TRHDE: variants seen among roughly 807,000 people sequenced by gnomAD.
TRHDE encodes the protein thyrotropin-releasing hormone-degrading ectoenzyme.
TRHDE carries 72 observed loss-of-function variants against 125.7 expected under a neutral mutation model. The ratio of observed to expected loss-of-function variants is 0.57; its 90% CI spans 0.47 to 0.70. TRHDE has a LOEUF of 0.70. Ranked by LOEUF, TRHDE falls within the 30% of genes least tolerant of loss-of-function variation. The pLI is 0.00. For missense variants in TRHDE, 1,110 were observed against 1,327.1 expected (o/e 0.84, Z 2.54); for synonymous variants, 509 against 509.1 (o/e 1.00, Z 0.00).
intron 6 of TRHDE, among the ~76,000 whole-genome samples, chr12:72,529,405 C>G (rs753208173): frequency 6.6e-6 from 1 of 152,092 alleles, no homozygotes; most frequent in African/African-American, 2.4e-5. Flanking sequence ...TTGAAGTCCT[C>G]TAATCCCTTT....
intron 2 of TRHDE, among the ~76,000 whole-genome samples, chr12:72,363,573 C>CCT (rs1425820168): frequency 1.2e-4 from 18 of 152,122 alleles, no homozygotes; most frequent in African/African-American, 3.9e-4. Context: ...TTCAACAACG[C>CCT]TTCATGCTAA....
intron 7 of TRHDE, among the ~76,000 whole-genome samples, chr12:72,545,078 G>A (rs748645206): frequency 1.3e-5 from 2 of 151,342 alleles, no homozygotes; most frequent in African/African-American, 2.4e-5. Flanking sequence ...GTGATTTGTT[G>A]GTGATACCAC....
rs771321069 is a variant in TRHDE at position 72,575,519 on chromosome 12, C to G, written c.2298C>G (p.Ile766Met). 6.2e-7 allele frequency: 1 copy of G among 1,613,528 alleles called. No homozygotes were observed. The highest frequency in any genetic ancestry group is 1.3e-5 in the African/African-American group (1 of 74,866). Residue 766 changes from isoleucine (I) to methionine (M), a missense_variant, in exon 12 of 19, where the codon ATC becomes ATG. Physicochemically the swap from Ile to Met is conservative, Grantham distance 10. Transcript: ENST00000261180. ...VLSVSNRAGL[I>M]DDAFSLARAG... ...CTGTCAGTAACCGAGCGGGCTTGATCGATGATGCCTTCAGCCTAGCCAGGT... is the reference window on the plus strand; with the variant it reads ...CTGTCAGTAACCGAGCGGGCTTGATGGATGATGCCTTCAGCCTAGCCAGGT...
intron 1 of TRHDE, among the ~76,000 whole-genome samples, chr12:72,280,098 T>C (rs1879640663): frequency 6.6e-6 from 1 of 152,180 alleles, no homozygotes; most frequent in Non-Finnish European, 1.5e-5. Context: ...GTTCATTCTC[T>C]TCCTCCTATG....
intron 2 of TRHDE, among the ~76,000 whole-genome samples, chr12:72,132,430 A>G (rs1296350504): frequency 6.6e-6 from 1 of 152,228 alleles, no homozygotes; most frequent in African/African-American, 2.4e-5. Context: ...CAGAAAGTCA[A>G]GTCAGGGACA....
chr12:72,641,024 A>G (rs1165880979), intron 15 of TRHDE, among the ~76,000 whole-genome samples: 1 of 151,878 alleles, frequency 6.6e-6, no homozygotes, highest in African/African-American at 2.4e-5. Context: ...ACAGAGCAAG[A>G]AGGGACTTTA....
At chr12:72,194,526 A>G (rs1221090868) in intron 2 of TRHDE, among the ~76,000 whole-genome samples, 1 of 151,968 alleles carries the variant, frequency 6.6e-6, no homozygotes. Context: ...AGTTTTTCAA[A>G]TCTTTCCCCC....
intron 5 of TRHDE, among the ~76,000 whole-genome samples, chr12:72,480,027 G>A (rs1427889231): frequency 0.023 from 3,462 of 149,790 alleles, 99 homozygotes; most frequent in African/African-American, 0.081. Context: ...ATTCCATGGT[G>A]TATATGTGCC....
chr12:72,603,704 G>A (rs1365949314), intron 12 of TRHDE, among the ~76,000 whole-genome samples: 3 of 151,972 alleles, frequency 2.0e-5, no homozygotes, highest in South Asian at 2.1e-4. Flanking sequence ...CAGCCTGGGC[G>A]ACAGAGTGAG....
intron 1 of TRHDE, among the ~76,000 whole-genome samples, chr12:72,105,342 T>C (rs368903246): frequency 2.0e-5 from 3 of 152,080 alleles, no homozygotes; most frequent in East Asian, 3.9e-4. Context: ...TTCAGATAAG[T>C]GATGCTAAGT....
chr12:72,228,446 C>G (rs942594692), intron 2 of TRHDE, among the ~76,000 whole-genome samples: 6 of 152,150 alleles, frequency 3.9e-5, no homozygotes, highest in Admixed American at 3.9e-4. Flanking sequence ...GCATGAAGGC[C>G]CTGGACTTGG....
chr12:72,644,274 C>A (rs780085529), intron 15 of TRHDE, among the ~76,000 whole-genome samples: 50 of 151,866 alleles, frequency 3.3e-4, no homozygotes, highest in Non-Finnish European at 5.9e-4. Context: ...CTCCTCCCGG[C>A]TTCTCCCAGG....
chr12:72,450,252 T>A lies in TRHDE; in HGVS notation c.1316-19506T>A, dbSNP rs1043944549. Among the ~76,000 whole-genome samples, 9 of 152,114 alleles carry A rather than the reference T, an allele frequency of 5.9e-5. No individual in the cohort carries two copies. The East Asian group carries it at 1.7e-3, about 29-fold the overall frequency. Reference sequence around the variant, plus strand: ...CTCTTACTTAGACTACTACAATATCTGCTTCTATTCTCCTCCCATCTAAAG... The same window carrying A: ...CTCTTACTTAGACTACTACAATATCAGCTTCTATTCTCCTCCCATCTAAAG... On this transcript the variant is annotated intron_variant, in intron 3 of 18. Transcript: ENST00000261180.
chr12:72,529,737 A>G (rs745368189), intron 6 of TRHDE, among the ~76,000 whole-genome samples: 23 of 152,114 alleles, frequency 1.5e-4, no homozygotes, highest in Non-Finnish European at 2.6e-4. Flanking sequence ...TGGGAGGTAC[A>G]TGCATCCGCA....
intron 1 of TRHDE, among the ~76,000 whole-genome samples, chr12:72,280,734 G>A (rs756035477): frequency 3.3e-5 from 5 of 152,122 alleles, no homozygotes; most frequent in Non-Finnish European, 5.9e-5. Context: ...GCAGGAACCA[G>A]ATAGCAGGAA....
intron 2 of TRHDE, among the ~76,000 whole-genome samples, chr12:72,249,223 T>C (rs146581605): frequency 6.6e-6 from 1 of 152,266 alleles, no homozygotes; most frequent in African/African-American, 2.4e-5. Flanking sequence ...AAAACATTGA[T>C]TTTCAAAGAC....
chr12:72,644,045 G>A (rs1265262570), intron 15 of TRHDE, among the ~76,000 whole-genome samples: 1 of 152,128 alleles, frequency 6.6e-6, no homozygotes, highest in Non-Finnish European at 1.5e-5. Flanking sequence ...AGATGGTAGA[G>A]CAGGAAGCAC....
intron 2 of TRHDE, among the ~76,000 whole-genome samples, chr12:72,356,199 T>A (rs535433615): frequency 1.6e-4 from 25 of 151,880 alleles, no homozygotes; most frequent in African/African-American, 5.8e-4. Context: ...TATGGTATAT[T>A]ACACAGCCAT....
intron 3 of TRHDE, among the ~76,000 whole-genome samples, chr12:72,430,367 A>G: frequency 7.0e-6 from 1 of 143,140 alleles, no homozygotes; most frequent in Non-Finnish European, 1.5e-5. Context: ...ATATACATAT[A>G]TACGTATATA....
Sources: allele counts gnomAD v4.1 joint callset (sites outside exome capture counted in the v4.1 genomes callset), GRCh38; gene constraint gnomAD v4.1.1; transcripts MANE v1.5; gene names NCBI Gene and HGNC (gene_info 2026-07-23, HGNC 2026-07-21).